Variants in SGO2 observed in about 807,000 individuals in gnomAD.
SGO2 encodes shugoshin 2.
In SGO2, 68 loss-of-function variants were observed where a neutral mutation model predicts 99.5. That is an observed-to-expected ratio of 0.68 (90% confidence interval 0.56 to 0.84). SGO2 has a LOEUF of 0.84. SGO2 is among the 40% of genes least tolerant of loss of function. The pLI is 0.00. For synonymous variants in SGO2, 457 were observed against 487.1 expected (o/e 0.94, Z 0.81); for missense variants, 1,350 against 1,436.7 (o/e 0.94, Z 0.97).
At chr2:200,539,082 T>C (rs2031834783) in intron 4 of SGO2, among the ~76,000 whole-genome samples, 1 of 152,142 alleles carries the variant, frequency 6.6e-6, no homozygotes, top group African/African-American at 2.4e-5. Context: ...AGTATTATAA[T>C]TGTTTTTCTT....
intron 5 of SGO2, among the ~76,000 whole-genome samples, chr2:200,550,386 T>G (rs1201772232): frequency 6.6e-6 from 1 of 152,016 alleles, no homozygotes; most frequent in Non-Finnish European, 1.5e-5. Flanking sequence ...AGACCCTGAG[T>G]AACCAAAGCA....
At chr2:200,533,697 A>G (rs1416093964) in intron 2 of SGO2, among the ~76,000 whole-genome samples, 1 of 152,040 alleles carries the variant, frequency 6.6e-6, no homozygotes, top group African/African-American at 2.4e-5. Flanking sequence ...ACTTCTGAAA[A>G]TTATCTCAGT....
intron 4 of SGO2, among the ~76,000 whole-genome samples, chr2:200,537,186 T>C (rs2031732834): frequency 6.6e-6 from 1 of 152,136 alleles, no homozygotes; most frequent in African/African-American, 2.4e-5. Context: ...GGTTATCCTT[T>C]GCTGTTGGCT....
At chr2:200,559,842 A>G (rs536040352) in intron 5 of SGO2, among the ~76,000 whole-genome samples, 1 of 152,164 alleles carries the variant, frequency 6.6e-6, no homozygotes, top group East Asian at 1.9e-4. Context: ...GCTGATGGGT[A>G]TTTTTATTTT....
chr2:200,533,362 C>T, intron 2 of SGO2: 1 of 274,576 alleles, frequency 3.6e-6, no homozygotes, highest in African/African-American at 2.3e-5. Context: ...CTACTTTCTA[C>T]AGCGCAGAAA....
At chr2:200,532,284 GT>G (rs1380508038) in intron 1 of SGO2, 4,722 of 154,286 alleles carry the variant, frequency 0.031, 54 homozygotes, top group African/African-American at 0.058. Flanking sequence ...TTTTTTTTTT[GT>G]TTTTTTTTTT....
intron 5 of SGO2, among the ~76,000 whole-genome samples, chr2:200,561,207 A>G (rs970251823): frequency 7.2e-5 from 11 of 151,952 alleles, no homozygotes; most frequent in Admixed American, 5.9e-4. Flanking sequence ...CCCCCACCCA[A>G]CGACAGGCCC....
At chr2:200,545,890 G>A (rs997927275) in intron 5 of SGO2, among the ~76,000 whole-genome samples, 6 of 152,188 alleles carry the variant, frequency 3.9e-5, no homozygotes, top group Non-Finnish European at 8.8e-5. Flanking sequence ...CGGAGGACAG[G>A]CAGAGACAGA....
At chr2:200,547,197 G>A (rs2032261055) in intron 5 of SGO2, among the ~76,000 whole-genome samples, 1 of 152,184 alleles carries the variant, frequency 6.6e-6, no homozygotes, top group Non-Finnish European at 1.5e-5. Context: ...AAACCATGCA[G>A]GCCAGGAGGG....
intron 5 of SGO2, among the ~76,000 whole-genome samples, chr2:200,546,080 A>G (rs2032196183): frequency 6.6e-6 from 1 of 152,112 alleles, no homozygotes; most frequent in Non-Finnish European, 1.5e-5. Context: ...ATTTTGGGAC[A>G]GGCAGTGGTC....
rs935224728 is a variant in SGO2 at position 200,580,186 on chromosome 2, T to C, written c.3783-3263T>C. On this transcript the variant is annotated intron_variant, in intron 8 of 8. Transcript: ENST00000357799. Reference sequence around the variant, plus strand: ...TTTCCACAGGAAATTATCCATTTCATCTAAGATTTCAAATTTATTTGCATA... The same window carrying C: ...TTTCCACAGGAAATTATCCATTTCACCTAAGATTTCAAATTTATTTGCATA... Among the ~76,000 whole-genome samples the C allele has an allele frequency of 1.6e-4, 24 of 152,286 alleles. No homozygotes were observed. In the East Asian group the frequency reaches 3.9e-3, roughly 24 times the overall value.
intron 8 of SGO2, among the ~76,000 whole-genome samples, 172 bp downstream of exon 8, chr2:200,575,633 G>T (rs2033629411): frequency 6.6e-6 from 1 of 152,106 alleles, no homozygotes. Context: ...CTTTGGACAG[G>T]CTATTTTTGG....
At chr2:200,574,017 G>T (rs748098876) in intron 7 of SGO2, 40 bp downstream of exon 7, 26 of 1,467,650 alleles carry the variant, frequency 1.8e-5, no homozygotes, top group Non-Finnish European at 2.0e-5. Flanking sequence ...AGTTTTAGAA[G>T]TGTTTTGTTT....
chr2:200,574,386 T>C (rs1169231724), intron 7 of SGO2, among the ~76,000 whole-genome samples: 2 of 152,106 alleles, frequency 1.3e-5, no homozygotes, highest in African/African-American at 4.8e-5. Context: ...CAACAACGTA[T>C]ATTTAATGTG....
chr2:200,573,900 A>G lies in SGO2; in HGVS notation c.3554A>G (p.Gln1185Arg), dbSNP rs533611187. 3 of 1,611,726 alleles carry G rather than the reference A, an allele frequency of 1.9e-6. No individual in the cohort carries two copies. The highest frequency in any genetic ancestry group is 2.5e-6 in the Non-Finnish European group (3 of 1,179,144). Residue 1185 changes from glutamine to arginine, a missense_variant, in exon 7 of 9, where the codon CAA (glutamine) becomes CGA (arginine). Physicochemically the swap from Gln to Arg is conservative, Grantham distance 43. Transcript: ENST00000357799. ...NFALECSPAF[Q>R]VSDDEHEKMN... Reference sequence around the variant, plus strand: ...GCCTTGGAGTGCTCCCCAGCCTTTCAAGTAAGTGATGATGAGCATGAGAAG... The same window carrying G: ...GCCTTGGAGTGCTCCCCAGCCTTTCGAGTAAGTGATGATGAGCATGAGAAG...
chr2:200,538,663 A>G (rs1046726996), intron 4 of SGO2, among the ~76,000 whole-genome samples: 2 of 152,220 alleles, frequency 1.3e-5, no homozygotes, highest in Non-Finnish European at 2.9e-5. Context: ...TGCTTGTTTT[A>G]TATGTAAATA....
chr2:200,535,832 G>A (rs1348774988), intron 3 of SGO2, among the ~76,000 whole-genome samples: 1 of 152,006 alleles, frequency 6.6e-6, no homozygotes, highest in Non-Finnish European at 1.5e-5. Context: ...ACATATGTGT[G>A]TGTGTGTGTA....
chr2:200,571,871 A>G lies in SGO2; in HGVS notation c.1525A>G (p.Ser509Gly). 1 of 1,613,618 alleles carries G rather than the reference A, an allele frequency of 6.2e-7. No individual in the cohort carries two copies. Among genetic ancestry groups the G allele is most frequent in the Non-Finnish European group, 8.5e-7 (1 of 1,179,634 alleles). Residue 509 changes from serine to glycine, a missense_variant, in exon 7 of 9, where the codon AGT becomes GGT. Physicochemically the swap from Ser to Gly is moderately conservative, Grantham distance 56. Transcript: ENST00000357799. ...EQEETYSLSQ[S>G]SGKFHQESKF... is the part of the protein sequence containing the mutation. ...AGAGGAAACATACTCTTTATCCCAA[A>G]GTTCAGGTAAATTTCACCAGGAGAG... is the stretch of plus-strand genomic sequence containing the variant.
Position 200,577,613 on chromosome 2 carries a change from G to A in SGO2, c.3782+2152G>A, listed in dbSNP as rs190359430. Among the ~76,000 whole-genome samples the A allele has an allele frequency of 1.1e-3, 160 of 151,682 alleles. 1 individual carries two copies. Among genetic ancestry groups the A allele is most frequent in the Non-Finnish European group, 1.3e-3 (87 of 67,954 alleles). On this transcript the variant is annotated intron_variant, in intron 8 of 8. Transcript: ENST00000357799. ...ACTTTCTGTTTCAGAATTCTATCTG[G>A]AGTCCCACATTGCATTTAGTTGTTG...
Sources: allele counts gnomAD v4.1 joint callset (sites outside exome capture counted in the v4.1 genomes callset), GRCh38; gene constraint gnomAD v4.1.1; transcripts MANE v1.5; gene names NCBI Gene and HGNC (gene_info 2026-07-23, HGNC 2026-07-21).